RFTN1: variants seen among roughly 807,000 people sequenced by gnomAD.
RFTN1 encodes the protein raftlin.
In RFTN1, 26 loss-of-function variants were observed where a neutral mutation model predicts 46.5. That is an observed-to-expected ratio of 0.56 (90% confidence interval 0.41 to 0.78). RFTN1 has a LOEUF of 0.78. Ranked by LOEUF, RFTN1 falls within the 30% of genes least tolerant of loss-of-function variation. RFTN1 has a pLI of 0.00. For missense variants in RFTN1, 693 were observed against 718.7 expected (o/e 0.96, Z 0.41); for synonymous variants, 261 against 284.2 (o/e 0.92, Z 0.82).
At chr3:16,434,230 T>C (rs897607187) in intron 2 of RFTN1, among the ~76,000 whole-genome samples, 193 bp from the exon 3 acceptor site, 15 of 152,130 alleles carry the variant, frequency 9.9e-5, no homozygotes, top group African/African-American at 3.4e-4. Flanking sequence ...AAGGCATTAA[T>C]AATTGGATGT....
intron 4 of RFTN1, among the ~76,000 whole-genome samples, chr3:16,391,881 TG>T (rs547421164): frequency 0.26 from 8,299 of 32,534 alleles, 1,285 homozygotes; most frequent in East Asian, 0.37. Context: ...TTTTTTTTTT[TG>T]TTTTTTTTTT....
At chr3:16,340,173 A>G (rs2071219667) in intron 7 of RFTN1, among the ~76,000 whole-genome samples, 2 of 152,202 alleles carry the variant, frequency 1.3e-5, no homozygotes, top group Non-Finnish European at 2.9e-5. Flanking sequence ...GGGTCCTATC[A>G]GGAGGTAGTG....
At chr3:16,397,084 AAAG>A (rs1351677610) in intron 4 of RFTN1, among the ~76,000 whole-genome samples, 43 of 151,864 alleles carry the variant, frequency 2.8e-4, no homozygotes, top group Non-Finnish European at 4.7e-4. Flanking sequence ...AAAAAAAAAA[AAAG>A]AGAGAGAGAA....
chr3:16,377,901 C>T lies in RFTN1; in HGVS notation c.643G>A (p.Ala215Thr). The change falls in exon 5 of 10, where the codon GCT (alanine) becomes ACT (threonine). Residue 215 changes from alanine to threonine, a missense_variant. Ala to Thr is a moderately conservative substitution (Grantham distance 58, BLOSUM62 0). Coordinates refer to ENST00000334133, the MANE Select transcript of RFTN1 (RefSeq NM_015150.2). Reference sequence around the variant, plus strand: ...GGCTCTGGGCTTTGGTTTCTCCCAGCCGGAGCACTGCACACATCCCCAGTC... The same window carrying T: ...GGCTCTGGGCTTTGGTTTCTCCCAGTCGGAGCACTGCACACATCCCCAGTC... Reference protein sequence around the residue: ...PGTGDVCSAPAGRNQSPEPSS... With the variant: ...PGTGDVCSAPTGRNQSPEPSS... 6.2e-7 allele frequency: 1 copy of T among 1,614,228 alleles called. No homozygotes were observed. Among genetic ancestry groups the T allele is most frequent in the Admixed American group, 1.7e-5 (1 of 60,032 alleles).
rs1367423799 is a variant in RFTN1 at position 16,504,184 on chromosome 3, A to T, written c.-9+9258T>A. Among the ~76,000 whole-genome samples, 1 of 152,246 alleles carries T rather than the reference A, an allele frequency of 6.6e-6. No individual in the cohort carries two copies. Among genetic ancestry groups the T allele is most frequent in the African/African-American group, 2.4e-5 (1 of 41,466 alleles). On this transcript the variant is annotated intron_variant, in intron 1 of 9. Transcript: ENST00000334133. This position sits in a 1 kb window ranked among gnomAD's most constrained non-coding sequence, Gnocchi z 4.4. The stretch of plus-strand genomic sequence containing the variant: ...TAAGTAGTTAGGTCCAAACAACTTA[A>T]TACTTATTCACAGCCTAACAACAGC...
intron 4 of RFTN1, among the ~76,000 whole-genome samples, chr3:16,397,036 C>G (rs2074484202): frequency 6.8e-6 from 1 of 147,288 alleles, no homozygotes; most frequent in Non-Finnish European, 1.5e-5. Flanking sequence ...GCACTCCAGC[C>G]TGGGCAACAA....
rs2074044541 is a variant in RFTN1 at position 16,382,971 on chromosome 3, C to T, written c.442-4869G>A. On this transcript the variant is annotated intron_variant, in intron 4 of 9. Transcript: ENST00000334133. The surrounding 1 kb of genome is among the most constrained non-coding windows in gnomAD (Gnocchi z 4.7). Reference sequence around the variant, plus strand: ...AGACTCCCACGCATGCCCACAACATCTCTAACAACAGCGATTACAGGAAAC... The same window carrying T: ...AGACTCCCACGCATGCCCACAACATTTCTAACAACAGCGATTACAGGAAAC... Among the ~76,000 whole-genome samples the T allele has an allele frequency of 6.6e-6, 1 of 152,202 alleles. No homozygotes were observed. Among genetic ancestry groups the T allele is most frequent in the Admixed American group, 6.5e-5 (1 of 15,272 alleles).
rs982131931 is a variant in RFTN1 at position 16,387,734 on chromosome 3, G to A, written c.442-9632C>T. Among the ~76,000 whole-genome samples, 3 of 151,806 alleles carry A rather than the reference G, an allele frequency of 2.0e-5. No individual in the cohort carries two copies. The highest frequency in any genetic ancestry group is 6.6e-5 in the Admixed American group (1 of 15,242). On this transcript the variant is annotated intron_variant, in intron 4 of 9. Transcript: ENST00000334133. This position sits in a 1 kb window ranked among gnomAD's most constrained non-coding sequence, Gnocchi z 5.2. ...GCCTCGTCCACCCACCCGCCTCACCGACTCCACCTCCACTCACTCTCTAGC... is the reference window on the plus strand; with the variant it reads ...GCCTCGTCCACCCACCCGCCTCACCAACTCCACCTCCACTCACTCTCTAGC...
In RFTN1 at chr3:16,425,783, C is replaced by T. The variant is rs1228634878; in HGVS notation, c.332+8068G>A. Among the ~76,000 whole-genome samples the T allele has an allele frequency of 6.6e-6, 1 of 152,036 alleles. No homozygotes were observed. Among genetic ancestry groups the T allele is most frequent in the Non-Finnish European group, 1.5e-5 (1 of 68,032 alleles). Reference sequence around the variant, plus strand: ...TTCAACACACCAGAAAAGGGTGTCACTCCAGAGTGAGATGGGAAAATAAGA... The same window carrying T: ...TTCAACACACCAGAAAAGGGTGTCATTCCAGAGTGAGATGGGAAAATAAGA... On this transcript the variant is annotated intron_variant, in intron 3 of 9. Coordinates refer to ENST00000334133, the MANE Select transcript of RFTN1 (RefSeq NM_015150.2). The surrounding 1 kb of genome is among the most constrained non-coding windows in gnomAD (Gnocchi z 4.3).
intron 2 of RFTN1, among the ~76,000 whole-genome samples, chr3:16,436,649 A>C (rs1354984719): frequency 6.6e-6 from 1 of 152,210 alleles, no homozygotes. Flanking sequence ...TAAAGTGTGC[A>C]ATATGAATTG....
chr3:16,453,185 G>A (rs1559354979), intron 2 of RFTN1, among the ~76,000 whole-genome samples: 1 of 152,204 alleles, frequency 6.6e-6, no homozygotes, highest in Non-Finnish European at 1.5e-5. Context: ...GCCACTAAGG[G>A]TTGAACCTGA....
Position 16,317,360 on chromosome 3 carries a change from C to G in RFTN1, c.1333-128G>C. On this transcript the variant is annotated intron_variant, in intron 9 of 9. Transcript: ENST00000334133. The surrounding 1 kb of genome is among the most constrained non-coding windows in gnomAD (Gnocchi z 4.3). The stretch of plus-strand genomic sequence containing the variant: ...CATACAATTCCCAGCATCCCCCAGC[C>G]AGGCAGTACAGGCACCAAACTTGAA... The G allele has an allele frequency of 1.1e-6, 1 of 919,206 alleles. No homozygotes were observed. The highest frequency in any genetic ancestry group is 1.6e-6 in the Non-Finnish European group (1 of 610,092). The allele number at this position is 919,206 out of a possible 1,614,324, so 56.9% of individuals were successfully genotyped here.
In RFTN1 at chr3:16,451,433, C is replaced by G. The variant is rs968488982; in HGVS notation, c.146-17396G>C. 1.3e-5 allele frequency among the ~76,000 whole-genome samples: 2 copies of G among 152,204 alleles called. No individual in the cohort carries two copies. Among genetic ancestry groups the G allele is most frequent in the Non-Finnish European group, 2.9e-5 (2 of 68,040 alleles). Reference sequence around the variant, plus strand: ...CTTCATTAGCTGGCTTGTAGGCTAACCAACAGCTGGCTAGGTGTAGTCTCA... The same window carrying G: ...CTTCATTAGCTGGCTTGTAGGCTAAGCAACAGCTGGCTAGGTGTAGTCTCA... On this transcript the variant is annotated intron_variant, in intron 2 of 9. Transcript: ENST00000334133. The surrounding 1 kb of genome is among the most constrained non-coding windows in gnomAD (Gnocchi z 4.2).
intron 6 of RFTN1, among the ~76,000 whole-genome samples, chr3:16,369,564 A>T (rs1222093469): frequency 6.6e-6 from 1 of 152,218 alleles, no homozygotes; most frequent in Non-Finnish European, 1.5e-5. Flanking sequence ...CACTAGAGAC[A>T]GCACATTACT....
In RFTN1 at chr3:16,459,942, T is replaced by C. The variant is rs1161641815; in HGVS notation, c.146-25905A>G. ...GGAAAACTAAGAAAATTAAATGTGA[T>C]TTTTTTCTTCTCAGATAACTGAAGC... On this transcript the variant is annotated intron_variant, in intron 2 of 9. Transcript: ENST00000334133. The surrounding 1 kb of genome is among the most constrained non-coding windows in gnomAD (Gnocchi z 4.2). 6.6e-6 allele frequency among the ~76,000 whole-genome samples: 1 copy of C among 152,212 alleles called. No individual in the cohort carries two copies. The highest frequency in any genetic ancestry group is 2.4e-5 in the African/African-American group (1 of 41,456).
chr3:16,430,671 TC>T (rs2075367427), intron 3 of RFTN1, among the ~76,000 whole-genome samples: 1 of 152,188 alleles, frequency 6.6e-6, no homozygotes, highest in South Asian at 2.1e-4. Context: ...AAAAGGCAGT[TC>T]CAAAGACTCA....
chr3:16,387,247 G>A lies in RFTN1; in HGVS notation c.442-9145C>T, dbSNP rs1034345848. 2.0e-5 allele frequency among the ~76,000 whole-genome samples: 3 copies of A among 152,200 alleles called. No homozygotes were observed. The highest frequency in any genetic ancestry group is 2.4e-5 in the African/African-American group (1 of 41,456). On this transcript the variant is annotated intron_variant, in intron 4 of 9. Transcript: ENST00000334133. The surrounding 1 kb of genome is among the most constrained non-coding windows in gnomAD (Gnocchi z 5.2). ...CAAGGAGGAGGGCTCAAGGTCTCCC[G>A]CCAAGGCTGAGGCCACACGGCCACC...
In RFTN1 at chr3:16,378,008, G is replaced by A. The variant is rs2073845692; in HGVS notation, c.536C>T (p.Ser179Phe). Residue 179 changes from serine to phenylalanine, a missense_variant, in exon 5 of 10, where the codon TCT becomes TTT. Physicochemically the swap from Ser to Phe is radical, Grantham distance 155 (BLOSUM62 -2). Transcript: ENST00000334133. ...GGCATCCTCGGTGCTGTTGGCAGTA[G>A]ACACCGGAGCACTGCTGCCTGCCGA... Reference protein sequence around the residue: ...VNSAGSSAPVSTANSTEDARD... With the variant: ...VNSAGSSAPVFTANSTEDARD... 6.2e-7 allele frequency: 1 copy of A among 1,614,112 alleles called. No individual in the cohort carries two copies. Among genetic ancestry groups the A allele is most frequent in the African/African-American group, 1.3e-5 (1 of 74,934 alleles).
chr3:16,486,352 C>A (rs569583512), intron 2 of RFTN1, among the ~76,000 whole-genome samples: 2 of 152,068 alleles, frequency 1.3e-5, no homozygotes, highest in African/African-American at 4.8e-5. Flanking sequence ...ATCTTAAAAA[C>A]CTTCAGTGCT....
Sources: gnomAD v4.1 joint callset for allele counts (sites outside exome capture counted in the v4.1 genomes callset) on GRCh38, gnomAD v4.1.1 for gene constraint, Gnocchi (gnomAD v3.1) non-coding constraint, MANE v1.5 for transcripts, NCBI Gene and HGNC (gene_info 2026-07-23, HGNC 2026-07-21) for gene names.